XIRP2: variants seen among roughly 807,000 people sequenced by gnomAD.
XIRP2 encodes the protein xin actin binding repeat containing 2, also known as xin actin-binding repeat-containing protein 2.
XIRP2 carries 236 observed loss-of-function variants against 277.0 expected under a neutral mutation model. The observed-to-expected ratio is 0.85, with a 90% CI of 0.77 to 0.95. XIRP2 has a LOEUF of 0.95. Among genes scored for constraint, XIRP2 ranks in the 40% least tolerant of loss-of-function variants. The pLI is 0.00. For missense variants in XIRP2, 4,640 were observed against 4,157.5 expected (o/e 1.12, Z -3.19); for synonymous variants, 1,490 against 1,416.5 (o/e 1.05, Z -1.17).
At chr2:167,148,409 AAGAAAGAG>A (rs1691920099) in intron 3 of XIRP2, among the ~76,000 whole-genome samples, 1 of 149,594 alleles carries the variant, frequency 6.7e-6, no homozygotes, top group African/African-American at 2.5e-5. Flanking sequence ...AAGAAAAAGA[AAGAAAGAG>A]AGAAAGAAAG....
rs776630487 is a variant in XIRP2, at chr2:167,249,648, G to GA, written c.8260dup (p.Thr2754AsnfsTer2). 12 of 1,613,350 alleles carry GA rather than the reference G, an allele frequency of 7.4e-6. No homozygotes were observed. Among genetic ancestry groups the GA allele is most frequent in the Non-Finnish European group, 1.0e-5 (12 of 1,179,780 alleles). On this transcript the variant is annotated frameshift_variant, in exon 9 of 11. Coordinates refer to ENST00000409195, the MANE Select transcript of XIRP2 (RefSeq NM_152381.6). LOFTEE classifies it high-confidence loss of function. ...CCAAAAAACAATATCTGAAAACCAA[G>GA]AAAACTGAAGCAAGCACTGAATGTA... is the stretch of plus-strand genomic sequence containing the variant.
At chr2:167,037,082 T>C (rs1688528686) in intron 2 of XIRP2, among the ~76,000 whole-genome samples, 2 of 152,148 alleles carry the variant, frequency 1.3e-5, no homozygotes, top group Admixed American at 6.6e-5. Context: ...AACAGACTAA[T>C]ACAAGACCCC....
intron 2 of XIRP2, among the ~76,000 whole-genome samples, chr2:166,928,473 T>A (rs912729628): frequency 9.9e-5 from 15 of 152,280 alleles, no homozygotes; most frequent in African/African-American, 3.6e-4. Context: ...TTGCATTAAC[T>A]TTTTCACTTT....
intron 3 of XIRP2, among the ~76,000 whole-genome samples, chr2:167,161,439 C>G (rs751629853): frequency 2.0e-4 from 31 of 152,202 alleles, no homozygotes; most frequent in Non-Finnish European, 4.4e-4. Context: ...CCTCTGAAAT[C>G]TAGGCAAAGG....
intron 2 of XIRP2, among the ~76,000 whole-genome samples, chr2:166,922,729 C>G (rs1283456756): frequency 6.6e-6 from 1 of 151,394 alleles, no homozygotes; most frequent in Non-Finnish European, 1.5e-5. Flanking sequence ...GCACTCCAGC[C>G]TGGGCAACAG....
chr2:166,906,357 TAGAC>T (rs1354916004), intron 2 of XIRP2, among the ~76,000 whole-genome samples: 1 of 151,964 alleles, frequency 6.6e-6, no homozygotes, highest in Non-Finnish European at 1.5e-5. Context: ...TACAAGTAAA[TAGAC>T]ATACATAAAC....
At chr2:167,099,408 G>A (rs1228522413) in intron 2 of XIRP2, among the ~76,000 whole-genome samples, 2 of 152,172 alleles carry the variant, frequency 1.3e-5, no homozygotes, top group Non-Finnish European at 2.9e-5. Context: ...TATGCTGGCG[G>A]CGAGAATTTC....
In XIRP2 at chr2:167,246,822, T is replaced by C. The variant is rs2105440773; in HGVS notation, c.5430T>C (p.Pro1810=). The C allele has an allele frequency of 1.2e-6, 2 of 1,613,858 alleles. No homozygotes were observed. Among genetic ancestry groups the C allele is most frequent in the African/African-American group, 1.3e-5 (1 of 75,000 alleles). Residue 1810 remains proline, a synonymous_variant, in exon 9 of 11, where the codon CCT becomes CCC. Transcript: ENST00000409195. ...CTGTTAGTGAAACTGACATCATCCC[T>C]GGAGATGTGCATAACACAGTTAAGG... ...ERTVSETDII[P]GDVHNTVKVF...
At chr2:167,000,744 C>CT (rs2105454984) in intron 2 of XIRP2, among the ~76,000 whole-genome samples, 1 of 152,082 alleles carries the variant, frequency 6.6e-6, no homozygotes, top group East Asian at 1.9e-4. Context: ...ATCTATATTC[C>CT]AATTGTTTCA....
chr2:167,059,267 C>CTATTTTTT (rs1186841327), intron 2 of XIRP2, among the ~76,000 whole-genome samples: 3 of 151,192 alleles, frequency 2.0e-5, no homozygotes, highest in Non-Finnish European at 4.4e-5. Flanking sequence ...CCATGCGTGG[C>CTATTTTTT]TATTTTTTTA....
intron 2 of XIRP2, among the ~76,000 whole-genome samples, chr2:167,015,423 T>TATCA (rs1219529505): frequency 7.8e-6 from 1 of 129,016 alleles, no homozygotes; most frequent in East Asian, 2.7e-4. Flanking sequence ...GTCTTTTATC[T>TATCA]ATCTATCTAT....
intron 2 of XIRP2, among the ~76,000 whole-genome samples, chr2:166,994,491 TTAAAAA>T (rs1687152168): frequency 1.3e-5 from 1 of 75,442 alleles, no homozygotes; most frequent in Non-Finnish European, 2.8e-5. Flanking sequence ...AAAAAAAAAA[TTAAAAA>T]AAAAAAAAAA....
intron 2 of XIRP2, among the ~76,000 whole-genome samples, chr2:167,058,528 T>C (rs1008919148): frequency 6.6e-6 from 1 of 152,218 alleles, no homozygotes; most frequent in African/African-American, 2.4e-5. Flanking sequence ...GGGTCACTCC[T>C]GTGTCTGAAT....
rs140611621 is a variant in XIRP2, at chr2:167,000,409, T to C, written c.408+96519T>C. The stretch of plus-strand genomic sequence containing the variant: ...TTTCCTTAATTGTTACTTTTTCTAA[T>C]TGCATCACTACGTTTCTCTGATCTC... On this transcript the variant is annotated intron_variant, in intron 2 of 10. Transcript: ENST00000409195. Among the ~76,000 whole-genome samples the C allele has an allele frequency of 7.9e-5, 12 of 152,234 alleles. No homozygotes were observed. In the East Asian group the frequency reaches 2.1e-3, roughly 27 times the overall value.
intron 2 of XIRP2, among the ~76,000 whole-genome samples, chr2:167,091,605 TA>T (rs1166824469): frequency 6.6e-6 from 1 of 152,102 alleles, no homozygotes. Flanking sequence ...TGTTGAATCA[TA>T]GTTTTAATTC....
At chr2:167,013,006 G>A (rs1484411168) in intron 2 of XIRP2, among the ~76,000 whole-genome samples, 1 of 150,754 alleles carries the variant, frequency 6.6e-6, no homozygotes, top group Non-Finnish European at 1.5e-5. Flanking sequence ...TTGACATTAG[G>A]ACATAAATTA....
chr2:166,908,896 T>C (rs1370591365), intron 2 of XIRP2, among the ~76,000 whole-genome samples: 1 of 152,232 alleles, frequency 6.6e-6, no homozygotes, highest in African/African-American at 2.4e-5. Context: ...TTTCTTGTTT[T>C]TGTCAGGTTT....
chr2:167,103,012 G>A (rs1423400402), intron 2 of XIRP2, among the ~76,000 whole-genome samples: 1 of 152,166 alleles, frequency 6.6e-6, no homozygotes, highest in Non-Finnish European at 1.5e-5. Context: ...GGTGGCTCAT[G>A]CCTGTAGTCC....
chr2:167,119,519 A>T (rs995340046), intron 2 of XIRP2, among the ~76,000 whole-genome samples: 1 of 152,176 alleles, frequency 6.6e-6, no homozygotes, highest in Non-Finnish European at 1.5e-5. Context: ...TCTGAGAACC[A>T]TTGCACTTGA....
Sources: allele counts gnomAD v4.1 joint callset (sites outside exome capture counted in the v4.1 genomes callset), GRCh38; gene constraint gnomAD v4.1.1; transcripts MANE v1.5; gene names NCBI Gene and HGNC (gene_info 2026-07-23, HGNC 2026-07-21).